PCDHGA9: variants seen among roughly 807,000 people sequenced by gnomAD.
The protein encoded by PCDHGA9 is protocadherin gamma-A9.
In PCDHGA9, 37 loss-of-function variants were observed where a neutral mutation model predicts 62.5. The observed-to-expected ratio is 0.59, with a 90% confidence interval of 0.46 to 0.78. The LOEUF is 0.78. Among genes scored for constraint, PCDHGA9 ranks in the 30% least tolerant of loss-of-function variants. The probability of loss-of-function intolerance (pLI) is 0.00; values close to 1 mark genes in which losing one functional copy is unlikely to be tolerated. For missense variants in PCDHGA9, 1,138 were observed against 1,166.2 expected (o/e 0.98, Z 0.35); for synonymous variants, 459 against 484.6 (o/e 0.95, Z 0.69).
intron 1 of PCDHGA9, chr5:141,412,854 A>T (rs1356959630): frequency 4.5e-6 from 1 of 223,412 alleles, no homozygotes; most frequent in African/African-American, 2.3e-5. Context: ...GAGAAACCAA[A>T]GAATCTATGT....
At position 141,485,402 on chromosome 5, in the gene PCDHGA9, G is replaced by T. The variant is rs375700791; in HGVS notation, c.2425-9405G>T. ...AGAGGTGAACCAAAGACACTTCCGTGTGGATTTGGACAGCGGAGCCCTGCT... is the reference window on the plus strand; with the variant it reads ...AGAGGTGAACCAAAGACACTTCCGTTTGGATTTGGACAGCGGAGCCCTGCT... On this transcript the variant is annotated intron_variant, in intron 1 of 3. Coordinates refer to ENST00000573521, the MANE Select transcript of PCDHGA9 (RefSeq NM_018921.3). This position sits in a 1 kb window ranked among gnomAD's most constrained non-coding sequence, Gnocchi z 5.7. The T allele has an allele frequency of 6.2e-7, 1 of 1,614,194 alleles. No homozygotes were observed. Among genetic ancestry groups the T allele is most frequent in the East Asian group, 2.2e-5 (1 of 44,878 alleles).
At chr5:141,430,841 T>C (rs757539834) in intron 1 of PCDHGA9, 1 of 1,566,462 alleles carries the variant, frequency 6.4e-7, no homozygotes, top group South Asian at 1.2e-5. Flanking sequence ...GGAGACCGGA[T>C]GCACCCAGAT....
intron 1 of PCDHGA9, among the ~76,000 whole-genome samples, chr5:141,481,620 C>G (rs1449979532): frequency 6.6e-6 from 1 of 152,112 alleles, no homozygotes; most frequent in African/African-American, 2.4e-5. Context: ...GAGTTCAAGA[C>G]CGGCCTGGCC....
intron 1 of PCDHGA9, chr5:141,418,621 C>T: frequency 6.2e-7 from 1 of 1,614,034 alleles, no homozygotes; most frequent in Non-Finnish European, 8.5e-7. Flanking sequence ...TTCGGGAAGA[C>T]GTGCCTCCAG....
intron 1 of PCDHGA9, among the ~76,000 whole-genome samples, chr5:141,433,653 T>C (rs1030084681): frequency 6.6e-6 from 1 of 152,024 alleles, no homozygotes; most frequent in Non-Finnish European, 1.5e-5. Flanking sequence ...CTGACCAACA[T>C]GGAGAAACCC....
chr5:141,433,194 A>G (rs1170543558), intron 1 of PCDHGA9: 18 of 1,585,754 alleles, frequency 1.1e-5, no homozygotes, highest in Non-Finnish European at 1.5e-5. Context: ...GTGAGTTTAT[A>G]TCAAATCTTC....
At chr5:141,418,803 A>G (rs1358411126) in intron 1 of PCDHGA9, 1 of 1,613,894 alleles carries the variant, frequency 6.2e-7, no homozygotes, top group Non-Finnish European at 8.5e-7. Context: ...GTAGAAAGAT[A>G]TACGATAAAC....
At chr5:141,413,271 C>T in intron 1 of PCDHGA9, 1 of 1,613,940 alleles carries the variant, frequency 6.2e-7, no homozygotes, top group Non-Finnish European at 8.5e-7. Flanking sequence ...AGGCTGGAGC[C>T]CGGCAGATCT....
chr5:141,445,245 T>C (rs2098460607), intron 1 of PCDHGA9, among the ~76,000 whole-genome samples: 1 of 152,212 alleles, frequency 6.6e-6, no homozygotes, highest in Non-Finnish European at 1.5e-5. Flanking sequence ...TTACACTATA[T>C]TGTGTGAGAA....
At chr5:141,417,949 TGA>T (rs2096196504) in intron 1 of PCDHGA9, 1 of 1,613,400 alleles carries the variant, frequency 6.2e-7, no homozygotes, top group Non-Finnish European at 8.5e-7. Context: ...CCACGCTGTG[TGA>T]GCCGATCCGC....
At chr5:141,470,236 T>C (rs1232874196) in intron 1 of PCDHGA9, among the ~76,000 whole-genome samples, 1 of 152,210 alleles carries the variant, frequency 6.6e-6, no homozygotes, top group African/African-American at 2.4e-5. Context: ...ACCAAACCCT[T>C]GAATGTCCCA....
intron 1 of PCDHGA9, among the ~76,000 whole-genome samples, chr5:141,448,706 C>T (rs1344013319): frequency 1.3e-5 from 2 of 151,730 alleles, no homozygotes; most frequent in African/African-American, 2.4e-5. Flanking sequence ...TTTGGGAGGC[C>T]GAGGCGGGAG....
Position 141,476,480 on chromosome 5 carries a change from G to A in PCDHGA9, c.2425-18327G>A, listed in dbSNP as rs761828753. 1 of 1,614,108 alleles carries A rather than the reference G, an allele frequency of 6.2e-7. No individual in the cohort carries two copies. The highest frequency in any genetic ancestry group is 2.2e-5 in the East Asian group (1 of 44,846). On this transcript the variant is annotated intron_variant, in intron 1 of 3. Transcript: ENST00000573521. This position sits in a 1 kb window ranked among gnomAD's most constrained non-coding sequence, Gnocchi z 7.6. ...GAACCCGCTGGAGCTGTTCAGCGTG[G>A]AAGTGGTGATCCAGGACATCAACGA...
At chr5:141,506,247 G>A (rs113270457) in intron 3 of PCDHGA9, among the ~76,000 whole-genome samples, 8,033 of 152,078 alleles carry the variant, frequency 0.053, 470 homozygotes, top group African/African-American at 0.14. Flanking sequence ...TCAGGAGTTC[G>A]AAACCGGCCT....
At chr5:141,438,268 C>T (rs949472857) in intron 1 of PCDHGA9, among the ~76,000 whole-genome samples, 1 of 152,054 alleles carries the variant, frequency 6.6e-6, no homozygotes. Flanking sequence ...ACCATAGAAT[C>T]AAACAAAATA....
intron 1 of PCDHGA9, among the ~76,000 whole-genome samples, chr5:141,470,814 A>T (rs1170059292): frequency 2.6e-5 from 4 of 152,006 alleles, no homozygotes; most frequent in Admixed American, 6.5e-5. Context: ...CAGCCTTCTG[A>T]GTAGTTAGGA....
chr5:141,418,228 T>C, intron 1 of PCDHGA9: 2 of 1,613,990 alleles, frequency 1.2e-6, no homozygotes, highest in Non-Finnish European at 1.7e-6. Context: ...TTGTGGTGAT[T>C]GAGGATGTTA....
chr5:141,404,676 T>G lies in PCDHGA9; in HGVS notation c.1724T>G (p.Val575Gly), dbSNP rs904942152. ...PALPTDGSTGVELAPRSAEPG... is the reference protein window; with the variant it reads ...PALPTDGSTGGELAPRSAEPG... The stretch of plus-strand genomic sequence containing the variant: ...CTCCCCACTGATGGTTCTACTGGTG[T>G]GGAGCTGGCACCCCGCTCTGCAGAG... The change falls in exon 1 of 4, where the codon GTG becomes GGG. Residue 575 changes from valine (V) to glycine (G), a missense_variant. By Grantham distance (109) the Val-to-Gly change is moderately radical. Transcript: ENST00000573521. 3.1e-6 allele frequency: 5 copies of G among 1,614,010 alleles called. No individual in the cohort carries two copies. In the African/African-American group the frequency reaches 6.7e-5, roughly 22 times the overall value.
intron 1 of PCDHGA9, among the ~76,000 whole-genome samples, chr5:141,437,526 G>A (rs1199002765): frequency 1.3e-5 from 2 of 152,160 alleles, no homozygotes; most frequent in East Asian, 3.8e-4. Context: ...GATGACAAAT[G>A]AGCAAATTGT....
Sources: gnomAD v4.1 joint callset for allele counts (sites outside exome capture counted in the v4.1 genomes callset) on GRCh38, gnomAD v4.1.1 for gene constraint, Gnocchi (gnomAD v3.1) non-coding constraint, MANE v1.5 for transcripts, NCBI Gene and HGNC (gene_info 2026-07-23, HGNC 2026-07-21) for gene names.